CD3G: variants seen among roughly 807,000 people sequenced by gnomAD.
The protein encoded by CD3G is T-cell surface glycoprotein CD3 gamma chain.
In CD3G, 24 loss-of-function variants were observed where a neutral mutation model predicts 28.3. The ratio of observed to expected loss-of-function variants is 0.85; its 90% CI spans 0.61 to 1.19. The LOEUF (loss-of-function observed/expected upper bound fraction) is 1.19, where lower values mean the gene tolerates loss of function less well. Ranked by LOEUF, CD3G falls within the 50% of genes most tolerant of loss-of-function variation. The pLI is 0.00. For missense variants in CD3G, 211 were observed against 210.0 expected (o/e 1.00, Z -0.03); for synonymous variants, 71 against 75.9 (o/e 0.93, Z 0.34).
intron 1 of CD3G, among the ~76,000 whole-genome samples, chr11:118,345,812 A>C (rs964039919): frequency 3.3e-5 from 5 of 152,222 alleles, no homozygotes; most frequent in African/African-American, 1.2e-4. Flanking sequence ...AAAGGACAAT[A>C]ACAACTTCCG....
At chr11:118,348,951 T>C in intron 1 of CD3G, 76 bp from the exon 2 acceptor site, 1 of 1,527,510 alleles carries the variant, frequency 6.5e-7, no homozygotes, top group Non-Finnish European at 9.1e-7. Flanking sequence ...TGGCCTCAAA[T>C]AACCATGGAA....
chr11:118,346,592 G>A (rs1167977556), intron 1 of CD3G, among the ~76,000 whole-genome samples: 2 of 152,098 alleles, frequency 1.3e-5, no homozygotes, highest in African/African-American at 4.8e-5. Context: ...AGGGAGGGAG[G>A]ATCATTTGAG....
rs770265062 is a variant in CD3G, at chr11:118,349,057, G to A, written c.79+7G>A. The A allele has an allele frequency of 1.2e-6, 2 of 1,614,168 alleles. No individual in the cohort carries two copies. The highest frequency in any genetic ancestry group is 2.2e-5 in the East Asian group (1 of 44,886). ...TTGGCCCAGTCAATCAAAGGTAGGA[G>A]AAATGGCTTCTTTCTATACTCAGAC... On this transcript the variant is annotated splice_region_variant and intron_variant, in intron 2 of 6. Transcript: ENST00000532917.
Position 118,350,646 on chromosome 11 carries a change from C to T in CD3G, c.402C>T (p.Tyr134=), listed in dbSNP as rs199749190. Residue 134 remains tyrosine, a synonymous_variant, in exon 4 of 7, where the codon TAC becomes TAT. Transcript: ENST00000532917. The part of the protein sequence containing the change: ...VSIFVLAVGV[Y]FIAGQDGVRQ... ...TTTTCGTCCTTGCTGTTGGGGTCTA[C>T]TTCATTGCTGGACAGGATGGAGTTC... 1 of 1,613,926 alleles carries T rather than the reference C, an allele frequency of 6.2e-7. No homozygotes were observed. Among genetic ancestry groups the T allele is most frequent in the Non-Finnish European group, 8.5e-7 (1 of 1,179,982 alleles).
Position 118,354,741 on chromosome 11 carries a change from G to A in CD3G, c.*1641G>A, listed in dbSNP as rs975921264. 6.6e-6 allele frequency: 1 copy of A among 152,126 alleles called. No individual in the cohort carries two copies. The highest frequency in any genetic ancestry group is 2.1e-4 in the South Asian group (1 of 4,824). The allele number at this position is 152,126 out of a possible 1,614,324, so 9.4% of individuals were successfully genotyped here. A position where few individuals can be genotyped will look rare whatever the true frequency, so the allele number is the denominator to read the frequency against. ...AACCATGCTGAGTGTCCTGTCTTGTGTTTATTAACCATTCATATATTTTTA... is the reference window on the plus strand; with the variant it reads ...AACCATGCTGAGTGTCCTGTCTTGTATTTATTAACCATTCATATATTTTTA... On this transcript the variant is annotated 3_prime_UTR_variant, in exon 7 of 7. Transcript: ENST00000532917.
At chr11:118,345,754 C>T (rs373263208) in intron 1 of CD3G, among the ~76,000 whole-genome samples, 149 of 152,134 alleles carry the variant, frequency 9.8e-4, no homozygotes, top group African/African-American at 2.2e-3. Flanking sequence ...GAAGTGCAAA[C>T]GGCACTGGCC....
chr11:118,349,715 A>G, intron 2 of CD3G, 28 bp from the exon 3 acceptor site: 4 of 1,546,064 alleles, frequency 2.6e-6, no homozygotes, highest in Non-Finnish European at 3.6e-6. Flanking sequence ...CAAGATCCTT[A>G]ATAGAACCAC....
intron 1 of CD3G, among the ~76,000 whole-genome samples, chr11:118,345,479 C>G (rs1261360531): frequency 1.3e-5 from 2 of 152,094 alleles, no homozygotes; most frequent in East Asian, 3.8e-4. Context: ...AGGTGAAGGT[C>G]AGGTGATGAG....
At chr11:118,349,091 T>C in intron 2 of CD3G, 41 bp downstream of exon 2, 1 of 1,614,126 alleles carries the variant, frequency 6.2e-7, no homozygotes, top group Non-Finnish European at 8.5e-7. Context: ...ACTCAGAATA[T>C]TGACGGAAAT....
chr11:118,344,619 G>C, intron 1 of CD3G, 141 bp downstream of exon 1: 1 of 735,508 alleles, frequency 1.4e-6, no homozygotes, highest in Non-Finnish European at 2.4e-6. Flanking sequence ...GCAAAATGGA[G>C]GCTCTTAACT....
At chr11:118,347,835 G>A (rs1010315115) in intron 1 of CD3G, among the ~76,000 whole-genome samples, 1 of 152,218 alleles carries the variant, frequency 6.6e-6, no homozygotes, top group East Asian at 1.9e-4. Context: ...TGTCCAGGCT[G>A]GTGTCTAACT....
chr11:118,353,882 G>A lies in CD3G; in HGVS notation c.*782G>A, dbSNP rs1948430162. ...CTGGAGGTATTCTAGGCATATATGA[G>A]CACATTCTCAAGTACATATTATCCT... On this transcript the variant is annotated 3_prime_UTR_variant, in exon 7 of 7. Coordinates refer to ENST00000532917, the MANE Select transcript of CD3G (RefSeq NM_000073.3). 1 of 152,086 alleles carries A rather than the reference G, an allele frequency of 6.6e-6. No individual in the cohort carries two copies. The allele number at this position is 152,086 out of a possible 1,614,324, so 9.4% of individuals were successfully genotyped here. A position where few individuals can be genotyped will look rare whatever the true frequency, so the allele number is the denominator to read the frequency against.
At position 118,354,289 on chromosome 11, in the gene CD3G, T is replaced by C. The variant is rs1948432526; in HGVS notation, c.*1189T>C. 1 of 150,648 alleles carries C rather than the reference T, an allele frequency of 6.6e-6. No homozygotes were observed. Among genetic ancestry groups the C allele is most frequent in the Non-Finnish European group, 1.5e-5 (1 of 68,028 alleles). 9.3% of individuals were successfully genotyped at this position (150,648 alleles called of 1,614,324 possible). On this transcript the variant is annotated 3_prime_UTR_variant, in exon 7 of 7. Transcript: ENST00000532917. ...TTAGGACATTTTCTTTTTTTTCTTTTCTTTTCTTTTTTTTCTTTTTTTTTT... is the reference window on the plus strand; with the variant it reads ...TTAGGACATTTTCTTTTTTTTCTTTCCTTTTCTTTTTTTTCTTTTTTTTTT...
intron 5 of CD3G, 122 bp downstream of exon 5, chr11:118,351,793 G>A: frequency 1.2e-6 from 1 of 851,284 alleles, no homozygotes; most frequent in Non-Finnish European, 2.0e-6. Flanking sequence ...CATACCAGAT[G>A]ATGAGATCAG....
rs750576395 is a variant in CD3G, at chr11:118,349,843, G to T, written c.180G>T (p.Lys60Asn). The T allele has an allele frequency of 1.2e-5, 20 of 1,613,994 alleles. No individual in the cohort carries two copies. Among genetic ancestry groups the T allele is most frequent in the Non-Finnish European group, 1.6e-5 (19 of 1,179,990 alleles). The change falls in exon 3 of 7, where the codon AAG becomes AAT. Residue 60 changes from lysine to asparagine, a missense_variant. Physicochemically the swap from Lys to Asn is moderately conservative, Grantham distance 94. Coordinates refer to ENST00000532917, the MANE Select transcript of CD3G (RefSeq NM_000073.3). ...ATATCACATGGTTTAAAGATGGGAA[G>T]ATGATCGGCTTCCTAACTGAAGATA... ...AKNITWFKDGKMIGFLTEDKK... is the reference protein window; with the variant it reads ...AKNITWFKDGNMIGFLTEDKK...
chr11:118,350,477 C>T lies in CD3G; in HGVS notation c.308-75C>T, dbSNP rs1948396706. Reference sequence around the variant, plus strand: ...GCTGCCCTCCACAGCGGCATTATTGCAGACAGGCAGGAGAAAACGAACCAG... The same window carrying T: ...GCTGCCCTCCACAGCGGCATTATTGTAGACAGGCAGGAGAAAACGAACCAG... On this transcript the variant is annotated intron_variant, in intron 3 of 6. Transcript: ENST00000532917. The T allele has an allele frequency of 1.3e-5, 14 of 1,051,062 alleles. No homozygotes were observed. In the South Asian group the frequency reaches 1.6e-4, roughly 12 times the overall value. The allele number at this position is 1,051,062 out of a possible 1,614,324, so 65.1% of individuals were successfully genotyped here.
In CD3G at chr11:118,344,359, C is replaced by A; in HGVS notation, c.-65C>A. 1 of 1,394,646 alleles carries A rather than the reference C, an allele frequency of 7.2e-7. No individual in the cohort carries two copies. The highest frequency in any genetic ancestry group is 9.9e-7 in the Non-Finnish European group (1 of 1,013,648). The allele number at this position is 1,394,646 out of a possible 1,614,324, so 86.4% of individuals were successfully genotyped here. ...GGGTGGAGCCAGTCTAGCTGCTGCA[C>A]AGGCTGGCTGGCTGGCTGGCTGCTA... On this transcript the variant is annotated 5_prime_UTR_variant, in exon 1 of 7. Transcript: ENST00000532917.
intron 1 of CD3G, among the ~76,000 whole-genome samples, chr11:118,348,532 A>AC (rs770943576): frequency 3.3e-5 from 5 of 152,186 alleles, no homozygotes; most frequent in Non-Finnish European, 5.9e-5. Flanking sequence ...TGATGGGTTC[A>AC]CCAACCAGGA....
chr11:118,350,956 A>C (rs891055647), intron 4 of CD3G: 32 of 967,810 alleles, frequency 3.3e-5, no homozygotes, highest in African/African-American at 1.7e-5. Context: ...TGGGAGGCCG[A>C]GGCGGGCAGA....
Sources: gnomAD v4.1 joint callset for allele counts (sites outside exome capture counted in the v4.1 genomes callset) on GRCh38, gnomAD v4.1.1 for gene constraint, MANE v1.5 for transcripts, NCBI Gene and HGNC (gene_info 2026-07-23, HGNC 2026-07-21) for gene names.